CSMD1: variants seen among roughly 807,000 people sequenced by gnomAD.
The protein encoded by CSMD1 is CUB and sushi domain-containing protein 1.
CSMD1 carries 213 observed loss-of-function variants against 417.5 expected under a neutral mutation model. That is an observed-to-expected ratio of 0.51 (90% CI 0.46 to 0.57). CSMD1 has a LOEUF of 0.57. CSMD1 is among the 20% of genes least tolerant of loss of function. The pLI is 0.00. For missense variants in CSMD1, 6,923 were observed against 4,529.7 expected, an observed-to-expected ratio of 1.53 and a Z score of -15.17; for synonymous variants, 2,862 against 1,736.8, an observed-to-expected ratio of 1.65 and a Z score of -16.11.
chr8:3,442,471 C>A (rs1283314998), intron 12 of CSMD1, among the ~76,000 whole-genome samples: 2 of 152,090 alleles, frequency 1.3e-5, no homozygotes, highest in Non-Finnish European at 2.9e-5. Context: ...TTTACTGTAC[C>A]TTTTGTATGT....
chr8:3,042,881 A>C (rs2046385), intron 50 of CSMD1, among the ~76,000 whole-genome samples: 151,135 of 151,994 alleles, frequency 0.99, 75,145 homozygotes, highest in East Asian at 1. Flanking sequence ...TACTATAGTG[A>C]ATATAGTATA....
chr8:4,170,540 A>T (rs1797712745), intron 3 of CSMD1, among the ~76,000 whole-genome samples: 1 of 151,900 alleles, frequency 6.6e-6, no homozygotes, highest in South Asian at 2.1e-4. Flanking sequence ...TAGTCGGAGT[A>T]TTGGAATATG....
chr8:4,902,240 T>C (rs1281017281), intron 1 of CSMD1, among the ~76,000 whole-genome samples: 1 of 150,550 alleles, frequency 6.6e-6, no homozygotes. Flanking sequence ...CAAGACTCCA[T>C]CCATTAAAAA....
intron 1 of CSMD1, among the ~76,000 whole-genome samples, chr8:4,844,581 G>A (rs1801024713): frequency 6.6e-6 from 1 of 152,226 alleles, no homozygotes; most frequent in Non-Finnish European, 1.5e-5. Flanking sequence ...AACATTAAAT[G>A]GACACAGATT....
At chr8:4,557,873 G>A (rs1308751736) in intron 2 of CSMD1, among the ~76,000 whole-genome samples, 1 of 152,144 alleles carries the variant, frequency 6.6e-6, no homozygotes, top group Non-Finnish European at 1.5e-5. Flanking sequence ...AATGAAATGG[G>A]AGTCGGACAG....
intron 3 of CSMD1, among the ~76,000 whole-genome samples, chr8:4,167,851 G>C (rs1036734909): frequency 3.3e-5 from 5 of 152,080 alleles, no homozygotes; most frequent in African/African-American, 9.7e-5. Context: ...AAAAAGGCCA[G>C]ACATGATGGC....
chr8:4,146,527 G>A (rs1012170827), intron 3 of CSMD1, among the ~76,000 whole-genome samples: 1 of 142,696 alleles, frequency 7.0e-6, no homozygotes, highest in African/African-American at 2.6e-5. Flanking sequence ...TGTGTTCTCT[G>A]GTTAAAACAC....
intron 3 of CSMD1, among the ~76,000 whole-genome samples, chr8:4,297,075 T>C (rs970959906): frequency 1.5e-5 from 1 of 65,876 alleles, no homozygotes; most frequent in Non-Finnish European, 2.9e-5. Flanking sequence ...GTTAGATAGG[T>C]TGAAGAGCTT....
At chr8:4,406,622 C>G (rs531569110) in intron 3 of CSMD1, among the ~76,000 whole-genome samples, 3 of 152,258 alleles carry the variant, frequency 2.0e-5, no homozygotes, top group African/African-American at 4.8e-5. Context: ...TGACCGGAGG[C>G]TGGGACTGGC....
chr8:3,700,075 G>C (rs775596050), intron 7 of CSMD1, among the ~76,000 whole-genome samples: 2 of 152,106 alleles, frequency 1.3e-5, no homozygotes, highest in African/African-American at 4.8e-5. Flanking sequence ...GTCCTCATAA[G>C]AATGATACAA....
intron 8 of CSMD1, among the ~76,000 whole-genome samples, chr8:3,593,010 C>T (rs1800925746): frequency 6.6e-6 from 1 of 152,204 alleles, no homozygotes; most frequent in Non-Finnish European, 1.5e-5. Flanking sequence ...GAACTCCTGG[C>T]CTGTGCTTGG....
chr8:3,955,153 G>A (rs1454188902), intron 5 of CSMD1, among the ~76,000 whole-genome samples: 2 of 152,282 alleles, frequency 1.3e-5, no homozygotes, highest in South Asian at 4.1e-4. Flanking sequence ...GAAGACAGAA[G>A]CACTGACTGT....
At chr8:3,520,977 T>A (rs1195717246) in intron 10 of CSMD1, among the ~76,000 whole-genome samples, 1 of 152,138 alleles carries the variant, frequency 6.6e-6, no homozygotes, top group Non-Finnish European at 1.5e-5. Context: ...GAAAACCATG[T>A]GCCCATCAAA....
chr8:4,070,401 A>G (rs1224470393), intron 3 of CSMD1, among the ~76,000 whole-genome samples: 2 of 152,198 alleles, frequency 1.3e-5, no homozygotes, highest in Non-Finnish European at 2.9e-5. Flanking sequence ...TGTGTCGCCC[A>G]GGCTGGAGTG....
At chr8:4,135,258 G>A (rs1176588172) in intron 3 of CSMD1, among the ~76,000 whole-genome samples, 2 of 150,920 alleles carry the variant, frequency 1.3e-5, no homozygotes, top group East Asian at 2.0e-4. Flanking sequence ...CATGTCTAAT[G>A]CCTTCCTTAA....
intron 52 of CSMD1, among the ~76,000 whole-genome samples, chr8:3,006,720 A>G (rs185612628): frequency 0.047 from 7,091 of 151,294 alleles, 167 homozygotes; most frequent in East Asian, 0.067. Flanking sequence ...GGCTAGCCAT[A>G]TGTAGAAAGC....
chr8:4,066,083 A>C (rs1799230937), intron 3 of CSMD1, among the ~76,000 whole-genome samples: 1 of 152,210 alleles, frequency 6.6e-6, no homozygotes, highest in Admixed American at 6.5e-5. Flanking sequence ...TCATTTACAA[A>C]ACAATGAAAA....
intron 30 of CSMD1, among the ~76,000 whole-genome samples, chr8:3,210,754 T>C (rs1387097661): frequency 6.6e-6 from 1 of 151,024 alleles, no homozygotes; most frequent in Non-Finnish European, 1.5e-5. Flanking sequence ...GAAAAGGTAT[T>C]TTTCCTATGG....
chr8:3,002,359 A>G (rs1330200723), intron 52 of CSMD1, among the ~76,000 whole-genome samples: 2 of 152,186 alleles, frequency 1.3e-5, no homozygotes, highest in Non-Finnish European at 2.9e-5. Flanking sequence ...TTCCAACCCT[A>G]GAGACAGGGA....
Sources: gnomAD v4.1 joint callset for allele counts (sites outside exome capture counted in the v4.1 genomes callset) on GRCh38, gnomAD v4.1.1 for gene constraint, MANE v1.5 for transcripts, NCBI Gene and HGNC (gene_info 2026-07-23, HGNC 2026-07-21) for gene names.